MITF: variants seen among roughly 807,000 people sequenced by gnomAD.
MITF encodes melanocyte inducing transcription factor.
A neutral mutation model predicts 60.5 loss-of-function variants in MITF; 17 were observed. That is an observed-to-expected ratio of 0.28 (90% CI 0.19 to 0.42). The LOEUF (loss-of-function observed/expected upper bound fraction) is 0.42. Among genes scored for constraint, MITF ranks in the 10% least tolerant of loss-of-function variants. The pLI is 1.00. For missense variants in MITF, 622 were observed against 683.5 expected (o/e 0.91, Z 1.00); for synonymous variants, 260 against 248.5 (o/e 1.05, Z -0.43).
At chr3:69,920,364 G>A (rs1331495879) in intron 2 of MITF, among the ~76,000 whole-genome samples, 2 of 152,128 alleles carry the variant, frequency 1.3e-5, no homozygotes, top group African/African-American at 4.8e-5. Flanking sequence ...ACCTCTTGTG[G>A]AGGGCCTGAC....
At chr3:69,794,973 T>C (rs989181617) in intron 1 of MITF, among the ~76,000 whole-genome samples, 2 of 152,246 alleles carry the variant, frequency 1.3e-5, no homozygotes, top group African/African-American at 4.8e-5. Context: ...TAGTAGGCTC[T>C]GTATGAATAA....
chr3:69,956,029 A>T (rs193242385), intron 7 of MITF, among the ~76,000 whole-genome samples: 2 of 152,292 alleles, frequency 1.3e-5, no homozygotes, highest in Admixed American at 1.3e-4. Flanking sequence ...CAATTTTGCT[A>T]CTTATCCCAC....
At chr3:69,753,824 C>T (rs146730034) in intron 1 of MITF, among the ~76,000 whole-genome samples, 160 of 152,306 alleles carry the variant, frequency 1.1e-3, no homozygotes, top group African/African-American at 3.6e-3. Context: ...CCCATTGTAT[C>T]TTGGAAGTAA....
chr3:69,758,264 G>A (rs994759173), intron 1 of MITF, among the ~76,000 whole-genome samples: 1 of 151,542 alleles, frequency 6.6e-6, no homozygotes, highest in African/African-American at 2.4e-5. Context: ...CAAACTCCTG[G>A]GCTCAAGCAA....
intron 1 of MITF, among the ~76,000 whole-genome samples, chr3:69,779,479 G>A (rs2062528150): frequency 6.6e-6 from 1 of 152,152 alleles, no homozygotes; most frequent in Non-Finnish European, 1.5e-5. Context: ...CAGGATAATG[G>A]AGGATGGCCC....
intron 2 of MITF, among the ~76,000 whole-genome samples, chr3:69,921,180 G>C (rs1559721268): frequency 1.3e-5 from 2 of 152,276 alleles, no homozygotes; most frequent in East Asian, 3.9e-4. Flanking sequence ...CTGATTTGCT[G>C]TTTTATCATG....
rs116033846 is a variant in MITF at position 69,747,121 on chromosome 3, T to C, written c.104+7420T>C. On this transcript the variant is annotated intron_variant, in intron 1 of 9. Transcript: ENST00000352241. ...TGGGGACTTCTCAAGGACTGGGTGCTGAGTGTCAGTCTCTGTGCTGGCCAT... is the reference window on the plus strand; with the variant it reads ...TGGGGACTTCTCAAGGACTGGGTGCCGAGTGTCAGTCTCTGTGCTGGCCAT... 3.0e-3 allele frequency among the ~76,000 whole-genome samples: 456 copies of C among 152,274 alleles called. 3 individuals carry two copies. The highest frequency in any genetic ancestry group is 0.01 in the African/African-American group (419 of 41,546).
At chr3:69,803,318 T>G (rs146247188) in intron 1 of MITF, among the ~76,000 whole-genome samples, 2 of 152,196 alleles carry the variant, frequency 1.3e-5, no homozygotes, top group Admixed American at 6.5e-5. Flanking sequence ...GAAACTCTGT[T>G]GTCTGTCTTT....
At chr3:69,909,963 A>G (rs1341569018) in intron 2 of MITF, among the ~76,000 whole-genome samples, 1 of 152,164 alleles carries the variant, frequency 6.6e-6, no homozygotes, top group Non-Finnish European at 1.5e-5. Context: ...GTTAATCCCC[A>G]AGATCATGGG....
intron 1 of MITF, among the ~76,000 whole-genome samples, chr3:69,858,893 T>C (rs1200570051): frequency 6.6e-6 from 1 of 152,198 alleles, no homozygotes; most frequent in Admixed American, 6.5e-5. Flanking sequence ...TACCTAACAA[T>C]GTTTTGAAAT....
chr3:69,801,828 A>G (rs893496841), intron 1 of MITF, among the ~76,000 whole-genome samples: 3 of 152,126 alleles, frequency 2.0e-5, no homozygotes, highest in African/African-American at 7.2e-5. Context: ...GATGACTTCA[A>G]TTTGAATTTT....
At chr3:69,937,110 T>C (rs931965625) in intron 2 of MITF, 5 of 202,052 alleles carry the variant, frequency 2.5e-5, no homozygotes, top group Admixed American at 5.5e-5. Flanking sequence ...TTAATGTCTG[T>C]AGGAAAGGAG....
chr3:69,847,292 T>C (rs2063748635), intron 1 of MITF, among the ~76,000 whole-genome samples: 1 of 152,214 alleles, frequency 6.6e-6, no homozygotes. Context: ...GGATGCATTT[T>C]CAAGCTCTTT....
At chr3:69,887,345 A>G (rs1386040982) in intron 2 of MITF, among the ~76,000 whole-genome samples, 5 of 152,116 alleles carry the variant, frequency 3.3e-5, no homozygotes, top group Non-Finnish European at 7.4e-5. Context: ...TTGCTCTACT[A>G]AAATCGGTGG....
chr3:69,904,713 T>C (rs2065061358), intron 2 of MITF, among the ~76,000 whole-genome samples: 2 of 152,202 alleles, frequency 1.3e-5, no homozygotes, highest in Non-Finnish European at 2.9e-5. Flanking sequence ...CTTCTACATC[T>C]TGCAGGCCCC....
intron 2 of MITF, among the ~76,000 whole-genome samples, chr3:69,932,680 A>T (rs1471041919): frequency 6.6e-6 from 1 of 152,196 alleles, no homozygotes; most frequent in Non-Finnish European, 1.5e-5. Context: ...ATGTCCAAGG[A>T]TATATGTTCT....
At chr3:69,864,236 T>C (rs966781648) in intron 1 of MITF, among the ~76,000 whole-genome samples, 3 of 152,214 alleles carry the variant, frequency 2.0e-5, no homozygotes, top group African/African-American at 7.2e-5. Flanking sequence ...GTGGTGAGAT[T>C]TGAACCTGGA....
intron 5 of MITF, among the ~76,000 whole-genome samples, chr3:69,942,179 A>G (rs1373286538): frequency 1.3e-5 from 2 of 152,182 alleles, no homozygotes; most frequent in African/African-American, 4.8e-5. Flanking sequence ...TTGAGAGGAA[A>G]GGGAAAAGGG....
chr3:69,871,515 C>T (rs1349307114), intron 1 of MITF, among the ~76,000 whole-genome samples: 1 of 152,182 alleles, frequency 6.6e-6, no homozygotes, highest in Non-Finnish European at 1.5e-5. Flanking sequence ...ATGTGGCCAC[C>T]ATAAATCATT....
Sources: allele counts gnomAD v4.1 joint callset (sites outside exome capture counted in the v4.1 genomes callset), GRCh38; gene constraint gnomAD v4.1.1; transcripts MANE v1.5; gene names NCBI Gene and HGNC (gene_info 2026-07-23, HGNC 2026-07-21).